Variants in TP53BP2 observed in about 807,000 individuals in gnomAD.
TP53BP2 encodes the protein tumor protein p53 binding protein 2.
In TP53BP2, 62 loss-of-function variants were observed where a neutral mutation model predicts 126.2. That is an observed-to-expected ratio of 0.49 (90% CI 0.40 to 0.61). TP53BP2 has a LOEUF of 0.61. Among genes scored for constraint, TP53BP2 ranks in the 20% least tolerant of loss-of-function variants. TP53BP2 has a pLI of 0.00. For synonymous variants in TP53BP2, 485 were observed against 502.9 expected (o/e 0.96, Z 0.48); for missense variants, 1,215 against 1,402.8 (o/e 0.87, Z 2.14).
chr1:223,810,396 T>C, intron 4 of TP53BP2, 35 bp downstream of exon 4: 1 of 1,428,980 alleles, frequency 7.0e-7, no homozygotes, highest in South Asian at 1.4e-5. Context: ...TGTATCACTG[T>C]GGTATATACA....
chr1:223,841,011 G>A (rs1664083958), intron 1 of TP53BP2, among the ~76,000 whole-genome samples: 1 of 152,178 alleles, frequency 6.6e-6, no homozygotes, highest in Non-Finnish European at 1.5e-5. Flanking sequence ...CCAGCACTTT[G>A]GGAGGCCGAG....
chr1:223,823,815 C>G (rs774036051), intron 1 of TP53BP2, among the ~76,000 whole-genome samples: 5 of 152,172 alleles, frequency 3.3e-5, no homozygotes, highest in African/African-American at 1.2e-4. Flanking sequence ...TACTCCCTAC[C>G]GATGCAAAAA....
At chr1:223,832,595 G>C (rs1026860358) in intron 1 of TP53BP2, among the ~76,000 whole-genome samples, 1 of 152,206 alleles carries the variant, frequency 6.6e-6, no homozygotes, top group Non-Finnish European at 1.5e-5. Context: ...ATTAAATTAA[G>C]ATATAACCAA....
In TP53BP2 at chr1:223,786,619, TCCC is replaced by T. The variant is rs368634019; in HGVS notation, c.3164-2308_3164-2306del. ...GTGTGTGTGTGTGTATATTTTTTTT[TCCC>T]CCGAGATGGAGTCTCGCTCTGTTGC... On this transcript the variant is annotated intron_variant, in intron 16 of 17. Coordinates refer to ENST00000343537, the MANE Select transcript of TP53BP2 (RefSeq NM_001031685.3). 7.5e-4 allele frequency among the ~76,000 whole-genome samples: 114 copies of T among 151,566 alleles called. 1 individual carries two copies. The East Asian group carries it at 0.02, about 27-fold the overall frequency.
At chr1:223,844,660 C>A (rs548656098) in intron 1 of TP53BP2, among the ~76,000 whole-genome samples, 2 of 152,150 alleles carry the variant, frequency 1.3e-5, no homozygotes, top group African/African-American at 4.8e-5. Context: ...ATTGTTAAGT[C>A]GACCCAGTGA....
chr1:223,813,250 TG>T, intron 3 of TP53BP2, among the ~76,000 whole-genome samples: 1 of 152,298 alleles, frequency 6.6e-6, no homozygotes, highest in Admixed American at 6.5e-5. Flanking sequence ...ACCGCCCAAA[TG>T]CTAGCCTCTC....
intron 1 of TP53BP2, among the ~76,000 whole-genome samples, chr1:223,826,433 C>CTTAG (rs1663497868): frequency 6.6e-6 from 1 of 152,154 alleles, no homozygotes; most frequent in Non-Finnish European, 1.5e-5. Context: ...TGAGAACCAT[C>CTTAG]GTCTAAGGCT....
chr1:223,792,554 A>G (rs1662187789), intron 14 of TP53BP2, 32 bp from the exon 15 acceptor site: 3 of 1,610,286 alleles, frequency 1.9e-6, no homozygotes, highest in Non-Finnish European at 2.5e-6. Context: ...GCATCACTCT[A>G]GTTTCTTGTC....
intron 1 of TP53BP2, among the ~76,000 whole-genome samples, chr1:223,826,828 C>T (rs1435589111): frequency 6.6e-6 from 1 of 152,150 alleles, no homozygotes; most frequent in Non-Finnish European, 1.5e-5. Flanking sequence ...GTAAATGCTA[C>T]ACACGGAATG....
rs1396067599 is a variant in TP53BP2 at position 223,796,008 on chromosome 1, G to A, written c.2531C>T (p.Pro844Leu). ...PGLDYEPEGV[P>L]DNSPNLQNNP... is the part of the protein sequence containing the mutation. ...ATTCTGGAGATTTGGGCTGTTGTCTGGGACTCCCTCAGGCTCATAATCAAG... is the reference window on the plus strand; with the variant it reads ...ATTCTGGAGATTTGGGCTGTTGTCTAGGACTCCCTCAGGCTCATAATCAAG... The change falls in exon 13 of 18, where the codon CCA becomes CTA. Residue 844 changes from proline to leucine, a missense_variant. By Grantham distance (98) the Pro-to-Leu change is moderately conservative. Around this residue, in one of 4 missense-constraint regions of TP53BP2, gnomAD observed 204 missense variants for 225.7 expected, o/e 0.90. Coordinates refer to ENST00000343537, the MANE Select transcript of TP53BP2 (RefSeq NM_001031685.3). The surrounding 1 kb of genome is among the most constrained non-coding windows in gnomAD (Gnocchi z 4.2). 6.2e-7 allele frequency: 1 copy of A among 1,614,018 alleles called. No homozygotes were observed. The highest frequency in any genetic ancestry group is 8.5e-7 in the Non-Finnish European group (1 of 1,179,958).
In TP53BP2 at chr1:223,800,763, C is replaced by G; in HGVS notation, c.1273G>C (p.Asp425His). Residue 425 changes from aspartate to histidine, a missense_variant, in exon 10 of 18, where the codon GAT (aspartate) becomes CAT (histidine). Asp to His is a moderately conservative substitution (Grantham distance 81). This residue lies in a region of TP53BP2 where 814 missense variants were observed against 853.0 expected (regional missense o/e 0.95). Coordinates refer to ENST00000343537, the MANE Select transcript of TP53BP2 (RefSeq NM_001031685.3). ...GCAGAGCCTTGGCTTGGGAAAAGAT[C>G]TGCATTTGAAGGACTCCAATCAGGG... Reference protein sequence around the residue: ...VGPDWSPSNADLFPSQGSASV... With the variant: ...VGPDWSPSNAHLFPSQGSASV... The G allele has an allele frequency of 6.2e-7, 1 of 1,611,144 alleles. No homozygotes were observed. The highest frequency in any genetic ancestry group is 8.5e-7 in the Non-Finnish European group (1 of 1,179,358).
chr1:223,807,749 TA>T (rs1459465786), intron 4 of TP53BP2, among the ~76,000 whole-genome samples: 1 of 152,078 alleles, frequency 6.6e-6, no homozygotes, highest in Non-Finnish European at 1.5e-5. Flanking sequence ...ATTTAATAAA[TA>T]GGTAAGATGT....
chr1:223,789,425 C>T (rs1222121), intron 15 of TP53BP2, among the ~76,000 whole-genome samples: 19,490 of 152,162 alleles, frequency 0.13, 1,664 homozygotes, highest in African/African-American at 0.22. Flanking sequence ...TGAGAAGAAT[C>T]AAGGACGTGA....
At chr1:223,830,645 GA>G (rs1178043544) in intron 1 of TP53BP2, among the ~76,000 whole-genome samples, 1 of 151,860 alleles carries the variant, frequency 6.6e-6, no homozygotes, top group Non-Finnish European at 1.5e-5. Flanking sequence ...CAAAAACATG[GA>G]AAAGTCTTTA....
intron 1 of TP53BP2, among the ~76,000 whole-genome samples, chr1:223,827,277 G>A (rs1249147905): frequency 6.6e-6 from 1 of 152,156 alleles, no homozygotes; most frequent in Non-Finnish European, 1.5e-5. Flanking sequence ...AGGTCCCACG[G>A]AGGACAAGGA....
intron 1 of TP53BP2, among the ~76,000 whole-genome samples, chr1:223,828,106 A>C (rs1663564675): frequency 6.6e-6 from 1 of 152,232 alleles, no homozygotes; most frequent in South Asian, 2.1e-4. Flanking sequence ...TCTGGCCTAG[A>C]ATCCACCATT....
chr1:223,844,005 T>C (rs1021449354), intron 1 of TP53BP2, among the ~76,000 whole-genome samples: 1 of 152,194 alleles, frequency 6.6e-6, no homozygotes, highest in Non-Finnish European at 1.5e-5. Context: ...AACATAACTC[T>C]AATCCTCAAA....
At chr1:223,813,811 T>C (rs1014307102) in intron 3 of TP53BP2, among the ~76,000 whole-genome samples, 1 of 152,104 alleles carries the variant, frequency 6.6e-6, no homozygotes, top group African/African-American at 2.4e-5. Context: ...CCCACCTCCA[T>C]CATCACTCCT....
At chr1:223,802,659 C>A (rs1409736890) in intron 8 of TP53BP2, 72 bp downstream of exon 8, 3 of 1,546,652 alleles carry the variant, frequency 1.9e-6, no homozygotes, top group African/African-American at 1.4e-5. Flanking sequence ...AAGAAGATGC[C>A]TATGAGTAAC....
Sources: gnomAD v4.1 joint callset for allele counts (sites outside exome capture counted in the v4.1 genomes callset) on GRCh38, gnomAD v4.1.1 for gene constraint, gnomAD v4.1.1 regional missense constraint, Gnocchi (gnomAD v3.1) non-coding constraint, MANE v1.5 for transcripts, NCBI Gene and HGNC (gene_info 2026-07-23, HGNC 2026-07-21) for gene names.